Variants in RUNDC1 observed in about 807,000 individuals in gnomAD.
RUNDC1 encodes the protein RUN domain containing 1, also known as RUN domain-containing protein 1.
A neutral mutation model predicts 49.3 loss-of-function variants in RUNDC1; 31 were observed. The ratio of observed to expected loss-of-function variants is 0.63; its 90% confidence interval spans 0.47 to 0.85. The LOEUF (loss-of-function observed/expected upper bound fraction) is 0.85. Among genes scored for constraint, RUNDC1 ranks in the 40% least tolerant of loss-of-function variants. RUNDC1 has a pLI of 0.00. For synonymous variants in RUNDC1, 347 were observed against 348.6 expected (o/e 1.00, Z 0.05); for missense variants, 715 against 806.7 (o/e 0.89, Z 1.38).
Position 42,991,363 on chromosome 17 carries a change from T to A in RUNDC1, c.1489T>A (p.Ser497Thr), listed in dbSNP as rs1458250743. The A allele has an allele frequency of 6.2e-7, 1 of 1,614,196 alleles. No homozygotes were observed. The highest frequency in any genetic ancestry group is 2.2e-5 in the East Asian group (1 of 44,882). The change falls in exon 5 of 5, where the codon TCC (serine) becomes ACC (threonine). Residue 497 changes from serine (S) to threonine (T), a missense_variant. Transcript: ENST00000361677. Reference protein sequence around the residue: ...AYVESPARKLSQSFALPVTGG... With the variant: ...AYVESPARKLTQSFALPVTGG... ...TGTGGAATCCCCAGCCCGGAAGCTC[T>A]CCCAGTCCTTCGCCCTTCCTGTTAC...
Position 42,985,631 on chromosome 17 carries a change from C to A in RUNDC1, c.499-1625C>A. 24 of 320,018 alleles carry A rather than the reference C, an allele frequency of 7.5e-5. 1 individual carries two copies. The highest frequency in any genetic ancestry group is 8.4e-5 in the Non-Finnish European group (22 of 262,228). 19.8% of individuals were successfully genotyped at this position (320,018 alleles called of 1,614,324 possible). The stretch of plus-strand genomic sequence containing the variant: ...TTTTTTTTTTTTTCATTTCTTCTCT[C>A]TCATTACTTACTTCTTCAGGGCTTG... On this transcript the variant is annotated intron_variant, in intron 1 of 4. Coordinates refer to ENST00000361677, the MANE Select transcript of RUNDC1 (RefSeq NM_173079.5).
intron 3 of RUNDC1, 115 bp from the exon 4 acceptor site, chr17:42,990,202 G>C: frequency 8.7e-6 from 12 of 1,376,362 alleles, no homozygotes; most frequent in South Asian, 2.8e-5. Context: ...CAATTAAATA[G>C]GACAAGAGTT....
intron 1 of RUNDC1, 88 bp from the exon 2 acceptor site, chr17:42,987,168 A>G: frequency 1.2e-6 from 1 of 839,594 alleles, no homozygotes; most frequent in Non-Finnish European, 1.9e-6. Context: ...CTTATATTTT[A>G]TTGGTCATTA....
intron 1 of RUNDC1, among the ~76,000 whole-genome samples, chr17:42,984,423 G>T (rs764184501): frequency 6.6e-6 from 1 of 152,054 alleles, no homozygotes; most frequent in African/African-American, 2.4e-5. Context: ...TGGGACTGCA[G>T]GCATGTGCCA....
chr17:42,992,985 T>G lies in RUNDC1; in HGVS notation c.*1269T>G, dbSNP rs1653026365. ...TCACCTCCCAACAAGACTAACAGTCTTTTTAGAAGTAAATATATTCAAGAC... is the reference window on the plus strand; with the variant it reads ...TCACCTCCCAACAAGACTAACAGTCGTTTTAGAAGTAAATATATTCAAGAC... On this transcript the variant is annotated 3_prime_UTR_variant, in exon 5 of 5. Transcript: ENST00000361677. The G allele has an allele frequency of 6.6e-6, 1 of 152,212 alleles. No homozygotes were observed. Among genetic ancestry groups the G allele is most frequent in the African/African-American group, 2.4e-5 (1 of 41,450 alleles). 9.4% of individuals were successfully genotyped at this position (152,212 alleles called of 1,614,324 possible).
Position 42,994,213 on chromosome 17 carries a change from A to AT in RUNDC1, c.*2498dup, listed in dbSNP as rs1472316499. 4.6e-5 allele frequency among the ~76,000 whole-genome samples: 7 copies of AT among 152,254 alleles called. No homozygotes were observed. Among genetic ancestry groups the AT allele is most frequent in the Non-Finnish European group, 7.3e-5 (5 of 68,040 alleles). On this transcript the variant is annotated 3_prime_UTR_variant, in exon 5 of 5. Transcript: ENST00000361677. Reference sequence around the variant, plus strand: ...GATATCACTTTGGGTGGTAACTGGTATAGCCATATGGCGTAGCCCAGCGAT... The same window carrying AT: ...GATATCACTTTGGGTGGTAACTGGTATTAGCCATATGGCGTAGCCCAGCGAT...
chr17:42,982,552 G>C (rs1313556358), intron 1 of RUNDC1, among the ~76,000 whole-genome samples: 1 of 152,098 alleles, frequency 6.6e-6, no homozygotes, highest in Non-Finnish European at 1.5e-5. Context: ...AGGAAACTCT[G>C]TTGTTCATTT....
intron 1 of RUNDC1, among the ~76,000 whole-genome samples, chr17:42,983,358 C>CT (rs1394963040): frequency 6.9e-6 from 1 of 145,216 alleles, no homozygotes; most frequent in African/African-American, 2.6e-5. Context: ...TACCACTTAC[C>CT]TTTTTTTTTC....
At position 42,985,687 on chromosome 17, in the gene RUNDC1, C is replaced by G. The variant is rs190722585; in HGVS notation, c.499-1569C>G. The G allele has an allele frequency of 5.1e-6, 5 of 972,850 alleles. No homozygotes were observed. In the East Asian group the frequency reaches 6.1e-4, roughly 119 times the overall value. 60.3% of individuals were successfully genotyped at this position (972,850 alleles called of 1,614,324 possible). On this transcript the variant is annotated intron_variant, in intron 1 of 4. Transcript: ENST00000361677. ...TACCGTTTTAAGGTTAAATGTAATA[C>G]GCTGTAGACTTCTAGTTTAAGACGC...
At chr17:42,984,516 A>C (rs2151957446) in intron 1 of RUNDC1, among the ~76,000 whole-genome samples, 1 of 152,056 alleles carries the variant, frequency 6.6e-6, no homozygotes, top group East Asian at 2.0e-4. Flanking sequence ...CCTGACCTCA[A>C]GTGATCCACC....
intron 1 of RUNDC1, among the ~76,000 whole-genome samples, chr17:42,983,337 G>T (rs2050128202): frequency 6.8e-6 from 1 of 146,386 alleles, no homozygotes; most frequent in African/African-American, 2.5e-5. Context: ...TGAACTGAAT[G>T]ATTTACTTCT....
intron 1 of RUNDC1, among the ~76,000 whole-genome samples, chr17:42,984,195 C>CT (rs1208370353): frequency 2.0e-5 from 3 of 151,898 alleles, no homozygotes; most frequent in East Asian, 1.9e-4. Context: ...CAGCTGGTCT[C>CT]TGACTCCTGG....
intron 1 of RUNDC1, among the ~76,000 whole-genome samples, chr17:42,984,897 T>C (rs1394503386): frequency 1.4e-5 from 2 of 140,118 alleles, no homozygotes; most frequent in African/African-American, 2.7e-5. Flanking sequence ...TTCTTTTTTT[T>C]TTTTTTTTTT....
Position 42,994,659 on chromosome 17 carries a change from G to C in RUNDC1, c.*2943G>C, listed in dbSNP as rs1377131784. On this transcript the variant is annotated 3_prime_UTR_variant, in exon 5 of 5. Transcript: ENST00000361677. ...AAGGCTGCAGGGAGACAGGCCGGCA[G>C]CCATGACTTTCATGTCTAAGTTCTT... Among the ~76,000 whole-genome samples the C allele has an allele frequency of 6.6e-6, 1 of 152,224 alleles. No homozygotes were observed. The highest frequency in any genetic ancestry group is 2.1e-4 in the South Asian group (1 of 4,836).
rs771489843 is a variant in RUNDC1, at chr17:42,990,358, G to C, written c.898G>C (p.Glu300Gln). ...CTTGCAGACAGGTGGTGGACACTGT[G>C]AGTGCAAGGCCGGTGGGAAGACAGG... ...SPLQTGGGHC[E>Q]CKAGGKTGNG... The change falls in exon 4 of 5, where the codon GAG (glutamate) becomes CAG (glutamine). Residue 300 changes from glutamate (E) to glutamine (Q), a missense_variant. Transcript: ENST00000361677. 1.2e-6 allele frequency: 2 copies of C among 1,614,156 alleles called. No individual in the cohort carries two copies. Among genetic ancestry groups the C allele is most frequent in the South Asian group, 2.2e-5 (2 of 91,082 alleles).
In RUNDC1 at chr17:42,990,437, G is replaced by A. The variant is rs1280580418; in HGVS notation, c.976+1G>A. On this transcript the variant is annotated splice_donor_variant, in intron 4 of 4. Transcript: ENST00000361677. LOFTEE classifies it high-confidence loss of function. ...AGAACGCCTCCAGGAAACAGCAAAA[G>A]TAAGTGCAGTTTCCAGAACAGGCAA... 1 of 1,613,554 alleles carries A rather than the reference G, an allele frequency of 6.2e-7. No homozygotes were observed. The highest frequency in any genetic ancestry group is 1.7e-5 in the Admixed American group (1 of 59,954).
intron 2 of RUNDC1, among the ~76,000 whole-genome samples, chr17:42,988,299 C>A (rs2050196266): frequency 6.7e-6 from 1 of 149,456 alleles, no homozygotes; most frequent in Non-Finnish European, 1.5e-5. Flanking sequence ...GTCACCCAGG[C>A]TGGAGTGCAG....
intron 2 of RUNDC1, among the ~76,000 whole-genome samples, chr17:42,988,005 G>T (rs1023406812): frequency 2.4e-4 from 36 of 152,146 alleles, no homozygotes; most frequent in African/African-American, 8.2e-4. Flanking sequence ...GCCCACCTTG[G>T]CCTCCCAAAG....
At chr17:42,984,749 A>G (rs2151957541) in intron 1 of RUNDC1, among the ~76,000 whole-genome samples, 1 of 137,816 alleles carries the variant, frequency 7.3e-6, no homozygotes, top group East Asian at 2.2e-4. Context: ...TTCTTCCCTG[A>G]CATAAAGTTG....
Sources: allele counts gnomAD v4.1 joint callset (sites outside exome capture counted in the v4.1 genomes callset), GRCh38; gene constraint gnomAD v4.1.1; transcripts MANE v1.5; gene names NCBI Gene and HGNC (gene_info 2026-07-23, HGNC 2026-07-21).